The following CHD6 variants were observed in gnomAD, a reference collection of about 807,000 sequenced individuals.
CHD6 encodes the protein ATP-dependent chromatin remodeler CHD6.
In CHD6, 50 loss-of-function variants were observed where a neutral mutation model predicts 276.9. The observed-to-expected ratio is 0.18, with a 90% CI of 0.14 to 0.23. CHD6 has a LOEUF of 0.23. Among genes scored for constraint, CHD6 ranks in the 10% least tolerant of loss-of-function variants. The pLI is 1.00. For synonymous variants in CHD6, 1,173 were observed against 1,229.3 expected, an observed-to-expected ratio of 0.95 and a Z score of 0.96; for missense variants, 2,564 against 3,365.8, an observed-to-expected ratio of 0.76 and a Z score of 5.89.
At chr20:41,611,600 T>A (rs1046573791) in intron 1 of CHD6, among the ~76,000 whole-genome samples, 11 of 151,932 alleles carry the variant, frequency 7.2e-5, no homozygotes, top group African/African-American at 2.4e-4. Context: ...TTTCAGTAGG[T>A]CTGGAATGGG....
At chr20:41,443,293 T>A (rs1442947630) in intron 25 of CHD6, among the ~76,000 whole-genome samples, 1 of 152,198 alleles carries the variant, frequency 6.6e-6, no homozygotes, top group Non-Finnish European at 1.5e-5. Flanking sequence ...GACTAAGAGA[T>A]CAACTGATTA....
intron 1 of CHD6, among the ~76,000 whole-genome samples, chr20:41,564,377 A>G (rs1210685538): frequency 6.6e-6 from 1 of 152,244 alleles, no homozygotes; most frequent in Non-Finnish European, 1.5e-5. Flanking sequence ...TACACACAAC[A>G]TGGATGAATC....
intron 34 of CHD6, chr20:41,414,223 C>T (rs1390655463): frequency 6.6e-6 from 1 of 152,186 alleles, no homozygotes; most frequent in African/African-American, 2.4e-5. Flanking sequence ...AGCAATATGG[C>T]TTAGCAGTAA....
chr20:41,592,085 T>C (rs1472029928), intron 1 of CHD6, among the ~76,000 whole-genome samples: 11 of 151,960 alleles, frequency 7.2e-5, no homozygotes, highest in African/African-American at 2.7e-4. Context: ...GGCGACAGAG[T>C]GAGACTCTGT....
intron 17 of CHD6, among the ~76,000 whole-genome samples, chr20:41,462,917 AACCATTAC>A (rs2042836341): frequency 6.6e-6 from 1 of 152,176 alleles, no homozygotes; most frequent in South Asian, 2.1e-4. Flanking sequence ...GATTGCTAAA[AACCATTAC>A]CTATACAACA....
In CHD6 at chr20:41,404,022, A is replaced by G. The variant is rs984010785; in HGVS notation, c.*571T>C. The G allele has an allele frequency of 5.2e-5, 55 of 1,049,842 alleles. No homozygotes were observed. Among genetic ancestry groups the G allele is most frequent in the Non-Finnish European group, 2.2e-5 (19 of 869,202 alleles). The allele number at this position is 1,049,842 out of a possible 1,614,324, so 65.0% of individuals were successfully genotyped here. ...CCGGTAAGGTTTTTGTTTTTTATAA[A>G]GAAATGAATATATGTATTTTCAACC... On this transcript the variant is annotated 3_prime_UTR_variant, in exon 37 of 37. Coordinates refer to ENST00000373233, the MANE Select transcript of CHD6 (RefSeq NM_032221.5).
In CHD6 at chr20:41,420,533, A is replaced by G. The variant is rs2047152347; in HGVS notation, c.6102T>C (p.Asp2034=). Residue 2034 remains aspartate (D), a synonymous_variant, in exon 31 of 37, where the codon GAT becomes GAC. Transcript: ENST00000373233. The part of the protein sequence containing the change: ...DMDFENKDDY[D]RDGNCHSQDY... The stretch of plus-strand genomic sequence containing the variant: ...CTTGACTATGGCAGTTTCCGTCTCT[A>G]TCATAATCATCTTTATTCTCAAAAT... 1 of 1,612,822 alleles carries G rather than the reference A, an allele frequency of 6.2e-7. No individual in the cohort carries two copies. The highest frequency in any genetic ancestry group is 8.5e-7 in the Non-Finnish European group (1 of 1,179,842).
intron 1 of CHD6, among the ~76,000 whole-genome samples, chr20:41,568,743 C>A (rs2045385668): frequency 6.6e-6 from 1 of 152,138 alleles, no homozygotes. Context: ...AAATTCCTTC[C>A]ATTCAGGTTT....
intron 6 of CHD6, 106 bp from the exon 7 acceptor site, chr20:41,498,332 T>C: frequency 1.2e-6 from 1 of 801,456 alleles, no homozygotes; most frequent in Non-Finnish European, 2.0e-6. Context: ...TCCATAAAGA[T>C]TTCTTAAGGC....
intron 1 of CHD6, among the ~76,000 whole-genome samples, chr20:41,588,520 C>A (rs1393636660): frequency 6.6e-6 from 1 of 152,130 alleles, no homozygotes; most frequent in Non-Finnish European, 1.5e-5. Flanking sequence ...AAGTCATATA[C>A]CCATGCCCAA....
chr20:41,520,062 A>C (rs1354931905), intron 3 of CHD6, among the ~76,000 whole-genome samples: 1 of 152,258 alleles, frequency 6.6e-6, no homozygotes, highest in South Asian at 2.1e-4. Flanking sequence ...CAAAAGACAC[A>C]TGAAAAAATG....
At chr20:41,553,706 C>A (rs776054452) in intron 1 of CHD6, among the ~76,000 whole-genome samples, 2 of 152,220 alleles carry the variant, frequency 1.3e-5, no homozygotes, top group Admixed American at 1.3e-4. Context: ...CGATTGCGTA[C>A]CCTTTCTGCA....
intron 1 of CHD6, among the ~76,000 whole-genome samples, chr20:41,615,637 A>T (rs1364278875): frequency 6.6e-6 from 1 of 152,274 alleles, no homozygotes; most frequent in Non-Finnish European, 1.5e-5. Flanking sequence ...TGATATGTAT[A>T]TACTGTCATT....
At chr20:41,515,426 T>C (rs1437007762) in intron 3 of CHD6, among the ~76,000 whole-genome samples, 3 of 152,092 alleles carry the variant, frequency 2.0e-5, no homozygotes, top group African/African-American at 4.8e-5. Context: ...TTGACAAGCT[T>C]ACAATTATGA....
chr20:41,516,016 T>C (rs894580541), intron 3 of CHD6, among the ~76,000 whole-genome samples: 1 of 152,224 alleles, frequency 6.6e-6, no homozygotes, highest in African/African-American at 2.4e-5. Context: ...TATGTGCACA[T>C]ATAAAAACAT....
intron 1 of CHD6, among the ~76,000 whole-genome samples, chr20:41,592,096 A>C (rs1413441391): frequency 7.9e-5 from 12 of 152,136 alleles, no homozygotes; most frequent in African/African-American, 2.9e-4. Context: ...GAGACTCTGT[A>C]TCAAACAAAC....
At chr20:41,503,300 TTTA>T (rs2043883766) in intron 5 of CHD6, among the ~76,000 whole-genome samples, 1 of 152,246 alleles carries the variant, frequency 6.6e-6, no homozygotes, top group Admixed American at 6.5e-5. Flanking sequence ...TAAACCTACA[TTTA>T]TTATTTCTAA....
intron 1 of CHD6, among the ~76,000 whole-genome samples, chr20:41,556,314 G>A (rs1601138719): frequency 7.3e-6 from 1 of 137,430 alleles, no homozygotes; most frequent in African/African-American, 3.0e-5. Flanking sequence ...AGACGGGAGA[G>A]GGAGAGGGCA....
At chr20:41,499,983 A>T (rs1160931788) in intron 5 of CHD6, among the ~76,000 whole-genome samples, 8 of 152,070 alleles carry the variant, frequency 5.3e-5, no homozygotes, top group Non-Finnish European at 1.2e-4. Flanking sequence ...CCAACTGAAA[A>T]CCTAAATTCC....
Sources: gnomAD v4.1 joint callset for allele counts (sites outside exome capture counted in the v4.1 genomes callset) on GRCh38, gnomAD v4.1.1 for gene constraint, MANE v1.5 for transcripts, NCBI Gene and HGNC (gene_info 2026-07-23, HGNC 2026-07-21) for gene names.